GIGYF2: variants seen among roughly 807,000 people sequenced by gnomAD.
GIGYF2 encodes GRB10-interacting GYF protein 2.
In GIGYF2, 25 loss-of-function variants were observed where a neutral mutation model predicts 208.1. That is an observed-to-expected ratio of 0.12 (90% confidence interval 0.09 to 0.17). GIGYF2 has a LOEUF of 0.17. GIGYF2 is among the 10% of genes least tolerant of loss of function. The pLI is 1.00. For missense variants in GIGYF2, 1,302 were observed against 1,579.4 expected (o/e 0.82, Z 2.98); for synonymous variants, 534 against 543.8 (o/e 0.98, Z 0.25).
At chr2:232,828,082 T>C (rs1701304518) in intron 21 of GIGYF2, among the ~76,000 whole-genome samples, 2 of 152,096 alleles carry the variant, frequency 1.3e-5, no homozygotes, top group Non-Finnish European at 2.9e-5. Flanking sequence ...TTTATGTCCC[T>C]GGGCTCAGGT....
chr2:232,799,836 ATTTCATTGCAGT>A (rs1218135279), intron 14 of GIGYF2, among the ~76,000 whole-genome samples: 1 of 152,056 alleles, frequency 6.6e-6, no homozygotes, highest in Non-Finnish European at 1.5e-5. Context: ...GTGAGGTGGT[ATTTCATTGCAGT>A]TTTCATTTGC....
intron 18 of GIGYF2, among the ~76,000 whole-genome samples, chr2:232,815,141 A>G (rs912070677): frequency 6.6e-6 from 1 of 152,196 alleles, no homozygotes; most frequent in African/African-American, 2.4e-5. Flanking sequence ...ATTTAACACA[A>G]AATTAACCAT....
At chr2:232,839,824 T>A in intron 22 of GIGYF2, 25 bp from the exon 23 acceptor site, 1 of 1,613,658 alleles carries the variant, frequency 6.2e-7, no homozygotes, top group Non-Finnish European at 8.5e-7. Flanking sequence ...CCTCATGAAC[T>A]TTCTGGCCTT....
chr2:232,768,089 A>C lies in GIGYF2; in HGVS notation c.532+6653A>C, dbSNP rs886055795. 2.4e-4 allele frequency: 265 copies of C among 1,121,700 alleles called. 1 individual carries two copies. The highest frequency in any genetic ancestry group is 1.2e-3 in the Middle Eastern group (4 of 3,474). 69.5% of individuals were successfully genotyped at this position (1,121,700 alleles called of 1,614,324 possible). ...TAGGCATGATTACCGTGATGTAGAG[A>C]GCTATAATTAGCATTGAAAAAAGAA... is the stretch of plus-strand genomic sequence containing the variant. On this transcript the variant is annotated intron_variant, in intron 8 of 28. Transcript: ENST00000373563.
intron 2 of GIGYF2, among the ~76,000 whole-genome samples, chr2:232,704,812 T>C (rs987860589): frequency 6.6e-6 from 1 of 151,944 alleles, no homozygotes; most frequent in African/African-American, 2.4e-5. Context: ...GAAAATTTCA[T>C]TGGTTATTTC....
chr2:232,833,717 C>G (rs1470737750), intron 22 of GIGYF2, among the ~76,000 whole-genome samples: 1 of 152,134 alleles, frequency 6.6e-6, no homozygotes, highest in Non-Finnish European at 1.5e-5. Context: ...AAGGCAGTTG[C>G]TCCCAGAGAG....
At chr2:232,719,638 T>C (rs1006397730) in intron 2 of GIGYF2, among the ~76,000 whole-genome samples, 2 of 152,150 alleles carry the variant, frequency 1.3e-5, no homozygotes, top group Admixed American at 6.5e-5. Context: ...ATGGAAATTA[T>C]AGAAAAATAT....
At chr2:232,733,113 C>T (rs955430819) in intron 2 of GIGYF2, among the ~76,000 whole-genome samples, 3 of 151,880 alleles carry the variant, frequency 2.0e-5, no homozygotes, top group East Asian at 1.9e-4. Context: ...AAATATTAGC[C>T]GGGTGTGGTG....
chr2:232,802,549 T>C (rs1382512095), intron 14 of GIGYF2, among the ~76,000 whole-genome samples: 3 of 152,328 alleles, frequency 2.0e-5, no homozygotes, highest in East Asian at 3.9e-4. Context: ...TTTTCATATA[T>C]TGATGCCTTG....
intron 23 of GIGYF2, among the ~76,000 whole-genome samples, chr2:232,842,709 G>A (rs1367295070): frequency 6.6e-6 from 1 of 152,152 alleles, no homozygotes; most frequent in Admixed American, 6.5e-5. Flanking sequence ...TTCTGGCTGG[G>A]TTGTTCTGTT....
At chr2:232,736,650 AT>A (rs1404432763) in intron 3 of GIGYF2, 1 of 152,238 alleles carries the variant, frequency 6.6e-6, no homozygotes, top group Non-Finnish European at 1.5e-5. Flanking sequence ...TTTAATGAAC[AT>A]TCTTATAGTT....
intron 21 of GIGYF2, among the ~76,000 whole-genome samples, chr2:232,820,914 T>C (rs1463335621): frequency 6.6e-6 from 1 of 151,874 alleles, no homozygotes; most frequent in Non-Finnish European, 1.5e-5. Context: ...TACTGCAACC[T>C]CCACCTCCCC....
At chr2:232,741,341 C>G (rs1307021389) in intron 3 of GIGYF2, among the ~76,000 whole-genome samples, 1 of 152,078 alleles carries the variant, frequency 6.6e-6, no homozygotes, top group Non-Finnish European at 1.5e-5. Context: ...CTGTTCATTT[C>G]TCTGAATCTC....
chr2:232,791,249 G>A lies in GIGYF2; in HGVS notation c.1094-9G>A, dbSNP rs747149228. ...TCGTAAGTTCAACTAAGATTACTTCGTGTTCCAGAAGCTAGTGAGGAAACT... is the reference window on the plus strand; with the variant it reads ...TCGTAAGTTCAACTAAGATTACTTCATGTTCCAGAAGCTAGTGAGGAAACT... On this transcript the variant is annotated splice_polypyrimidine_tract_variant and intron_variant, in intron 11 of 28. Coordinates refer to ENST00000373563, the MANE Select transcript of GIGYF2 (RefSeq NM_001103146.3). The A allele has an allele frequency of 6.2e-6, 10 of 1,613,824 alleles. No homozygotes were observed. The highest frequency in any genetic ancestry group is 1.1e-5 in the South Asian group (1 of 91,064).
chr2:232,799,163 C>T (rs1054334763), intron 14 of GIGYF2, among the ~76,000 whole-genome samples: 9 of 151,960 alleles, frequency 5.9e-5, no homozygotes, highest in African/African-American at 1.7e-4. Flanking sequence ...GAATAATATT[C>T]CCCTGTAGGT....
At chr2:232,721,902 C>T (rs1477163333) in intron 2 of GIGYF2, among the ~76,000 whole-genome samples, 1 of 152,164 alleles carries the variant, frequency 6.6e-6, no homozygotes, top group Non-Finnish European at 1.5e-5. Flanking sequence ...ATCTCTAGTT[C>T]TACTAGTGCT....
intron 18 of GIGYF2, among the ~76,000 whole-genome samples, chr2:232,814,620 A>G (rs968554826): frequency 3.5e-5 from 5 of 143,014 alleles, no homozygotes; most frequent in African/African-American, 1.3e-4. Flanking sequence ...AGTGTATATG[A>G]AAGATTAATA....
Position 232,747,886 on chromosome 2 carries a change from C to T in GIGYF2, c.171+142C>T, listed in dbSNP as rs535006605. On this transcript the variant is annotated intron_variant, in intron 4 of 28. Coordinates refer to ENST00000373563, the MANE Select transcript of GIGYF2 (RefSeq NM_001103146.3). ...CCTTAACTGTTTCCCTGCTTTGAAG[C>T]CTGCAATAGTTAACAGAGGATCTTC... 7 of 780,488 alleles carry T rather than the reference C, an allele frequency of 9.0e-6. No homozygotes were observed. In the African/African-American group the frequency reaches 1.0e-4, roughly 11 times the overall value. 48.3% of individuals were successfully genotyped at this position (780,488 alleles called of 1,614,324 possible). A position where few individuals can be genotyped will look rare whatever the true frequency, so the allele number is the denominator to read the frequency against.
At chr2:232,835,698 T>C (rs1701565263) in intron 22 of GIGYF2, among the ~76,000 whole-genome samples, 1 of 152,144 alleles carries the variant, frequency 6.6e-6, no homozygotes, top group Admixed American at 6.5e-5. Context: ...CCCCCGACCA[T>C]GTTGAAGCCC....
Sources: gnomAD v4.1 joint callset for allele counts (sites outside exome capture counted in the v4.1 genomes callset) on GRCh38, gnomAD v4.1.1 for gene constraint, MANE v1.5 for transcripts, NCBI Gene and HGNC (gene_info 2026-07-23, HGNC 2026-07-21) for gene names.